The following ADCY2 variants were observed in gnomAD, a reference collection of about 807,000 sequenced individuals.
ADCY2 encodes the protein adenylate cyclase 2.
A neutral mutation model predicts 125.2 loss-of-function variants in ADCY2; 31 were observed. The ratio of observed to expected loss-of-function variants is 0.25; its 90% CI spans 0.19 to 0.33. ADCY2 has a LOEUF of 0.33. ADCY2 is among the 10% of genes least tolerant of loss of function. The probability of loss-of-function intolerance (pLI) is 1.00; values close to 1 mark genes in which losing one functional copy is unlikely to be tolerated. For missense variants in ADCY2, 904 were observed against 1,418.2 expected (o/e 0.64, Z 5.82); for synonymous variants, 512 against 548.4 (o/e 0.93, Z 0.93).
At chr5:7,464,658 A>G (rs1324519363) in intron 2 of ADCY2, among the ~76,000 whole-genome samples, 2 of 152,158 alleles carry the variant, frequency 1.3e-5, no homozygotes, top group African/African-American at 2.4e-5. Context: ...TATACTCGAT[A>G]TGCAGTCAAA....
chr5:7,693,696 T>G (rs1740793803), intron 5 of ADCY2, among the ~76,000 whole-genome samples: 1 of 152,204 alleles, frequency 6.6e-6, no homozygotes, highest in Non-Finnish European at 1.5e-5. Context: ...GTGCTGGGAT[T>G]ACAGGCGTGA....
chr5:7,482,549 A>G (rs574010211), intron 2 of ADCY2, among the ~76,000 whole-genome samples: 1 of 152,102 alleles, frequency 6.6e-6, no homozygotes, highest in South Asian at 2.1e-4. Flanking sequence ...AAATTAGCAC[A>G]CTCATTATGC....
intron 7 of ADCY2, among the ~76,000 whole-genome samples, chr5:7,700,626 T>C (rs1373890530): frequency 1.3e-5 from 2 of 151,712 alleles, no homozygotes; most frequent in Non-Finnish European, 2.9e-5. Flanking sequence ...ACTGTGTTGG[T>C]CATATGCTGA....
At chr5:7,692,144 A>G (rs923064294) in intron 5 of ADCY2, 1 of 152,216 alleles carries the variant, frequency 6.6e-6, no homozygotes, top group African/African-American at 2.4e-5. Context: ...CTGTGCATGA[A>G]TCTGACCTCA....
intron 4 of ADCY2, chr5:7,653,984 GAGA>G (rs111644211): frequency 0.23 from 102,769 of 441,284 alleles, 14,431 homozygotes; most frequent in Non-Finnish European, 0.31. Flanking sequence ...AAGAGCTGTT[GAGA>G]AGACCAGTGG....
intron 12 of ADCY2, 129 bp from the exon 13 acceptor site, chr5:7,724,416 T>A (rs1392582350): frequency 4.3e-6 from 3 of 705,266 alleles, no homozygotes; most frequent in Non-Finnish European, 7.1e-6. Flanking sequence ...GTGTTTTTTT[T>A]TTTTTTTTTA....
chr5:7,573,967 G>A (rs1437636473), intron 3 of ADCY2, among the ~76,000 whole-genome samples: 1 of 109,286 alleles, frequency 9.2e-6, no homozygotes, highest in Admixed American at 1.0e-4. Flanking sequence ...GTGTCCATGT[G>A]ATCTCATTGT....
At chr5:7,741,798 A>G (rs1271906121) in intron 14 of ADCY2, among the ~76,000 whole-genome samples, 1 of 19,212 alleles carries the variant, frequency 5.2e-5, no homozygotes. Context: ...TATCACCATC[A>G]CCCATAATCA....
intron 2 of ADCY2, among the ~76,000 whole-genome samples, chr5:7,479,971 T>C (rs1579485901): frequency 6.6e-6 from 1 of 152,310 alleles, no homozygotes; most frequent in African/African-American, 2.4e-5. Flanking sequence ...CAGATACTTT[T>C]CAAAAGAAGA....
At chr5:7,635,850 T>C (rs943998887) in intron 4 of ADCY2, among the ~76,000 whole-genome samples, 3 of 152,208 alleles carry the variant, frequency 2.0e-5, no homozygotes, top group African/African-American at 7.2e-5. Flanking sequence ...AATTTAGTCT[T>C]GAGTTCCCTC....
intron 18 of ADCY2, among the ~76,000 whole-genome samples, chr5:7,781,374 A>C (rs1046881480): frequency 6.6e-6 from 1 of 152,182 alleles, no homozygotes; most frequent in South Asian, 2.1e-4. Context: ...TGCAAGTGGA[A>C]GTAGTTAAGA....
rs771967669 is a variant in ADCY2, at chr5:7,545,031, C to T, written c.570+24132C>T. Among the ~76,000 whole-genome samples, 8 of 152,220 alleles carry T rather than the reference C, an allele frequency of 5.3e-5. No individual in the cohort carries two copies. The South Asian group carries it at 6.2e-4, about 12-fold the overall frequency. On this transcript the variant is annotated intron_variant, in intron 3 of 24. Coordinates refer to ENST00000338316, the MANE Select transcript of ADCY2 (RefSeq NM_020546.3). ...CAAGGAAGAGGTCTGCAGAGACCAG[C>T]GAGAGAGCGAGCATAGGAGCAAGAT...
At chr5:7,507,021 T>A (rs1216305377) in intron 2 of ADCY2, among the ~76,000 whole-genome samples, 2 of 149,968 alleles carry the variant, frequency 1.3e-5, no homozygotes, top group African/African-American at 4.9e-5. Flanking sequence ...TCTCCTGACC[T>A]CGTGATCCAC....
At chr5:7,773,188 C>A in intron 18 of ADCY2, 87 bp downstream of exon 18, 1 of 1,325,112 alleles carries the variant, frequency 7.5e-7, no homozygotes, top group Non-Finnish European at 1.0e-6. Context: ...TGCAAGTTAG[C>A]GATGTCATTG....
chr5:7,624,685 G>A (rs1738065599), intron 3 of ADCY2, among the ~76,000 whole-genome samples: 2 of 152,238 alleles, frequency 1.3e-5, no homozygotes, highest in African/African-American at 4.8e-5. Flanking sequence ...GAACCTTGAA[G>A]ATTTAGAAAT....
intron 3 of ADCY2, among the ~76,000 whole-genome samples, chr5:7,591,163 G>C (rs1415113533): frequency 6.6e-6 from 1 of 152,152 alleles, no homozygotes; most frequent in Non-Finnish European, 1.5e-5. Context: ...AAAGCGTGCA[G>C]TTTACATTTT....
chr5:7,815,595 CAAATAT>C (rs1446790474), intron 22 of ADCY2, among the ~76,000 whole-genome samples: 2 of 152,132 alleles, frequency 1.3e-5, no homozygotes, highest in African/African-American at 2.4e-5. Context: ...GGTGAAATTC[CAAATAT>C]AAATATAGTA....
chr5:7,713,495 GA>G (rs199666136), intron 11 of ADCY2, among the ~76,000 whole-genome samples: 39 of 141,982 alleles, frequency 2.7e-4, no homozygotes, highest in African/African-American at 7.6e-4. Flanking sequence ...CTGTGTCTCA[GA>G]AAAAAAAAAA....
At chr5:7,516,105 CA>C (rs1412611784) in intron 2 of ADCY2, among the ~76,000 whole-genome samples, 5 of 148,762 alleles carry the variant, frequency 3.4e-5, no homozygotes, top group Non-Finnish European at 7.6e-5. Context: ...AGCATTACTG[CA>C]GCAGCATTAG....
Sources: allele counts gnomAD v4.1 joint callset (sites outside exome capture counted in the v4.1 genomes callset), GRCh38; gene constraint gnomAD v4.1.1; transcripts MANE v1.5; gene names NCBI Gene and HGNC (gene_info 2026-07-23, HGNC 2026-07-21).